FIGN: variants seen among roughly 807,000 people sequenced by gnomAD.
The protein encoded by FIGN is fidgetin.
A neutral mutation model predicts 51.3 loss-of-function variants in FIGN; 11 were observed. That is an observed-to-expected ratio of 0.21 (90% CI 0.13 to 0.35). The LOEUF (loss-of-function observed/expected upper bound fraction) is 0.35, where lower values mean the gene tolerates loss of function less well. FIGN is among the 10% of genes least tolerant of loss of function. The probability of loss-of-function intolerance (pLI) is 1.00; values close to 1 mark genes in which losing one functional copy is unlikely to be tolerated. For missense variants in FIGN, 857 were observed against 943.6 expected (o/e 0.91, Z 1.20); for synonymous variants, 407 against 363.2 (o/e 1.12, Z -1.37).
chr2:163,701,313 G>A (rs181026402), intron 2 of FIGN, among the ~76,000 whole-genome samples: 147 of 152,300 alleles, frequency 9.7e-4, no homozygotes, highest in Non-Finnish European at 1.7e-3. Context: ...TTCATAAATT[G>A]CAAGCAGCTA....
At chr2:163,720,975 T>G (rs1434245882) in intron 2 of FIGN, among the ~76,000 whole-genome samples, 1 of 151,714 alleles carries the variant, frequency 6.6e-6, no homozygotes. Context: ...AGGGTCAAAA[T>G]AAATAAATAA....
At chr2:163,672,853 C>G (rs1282539050) in intron 2 of FIGN, among the ~76,000 whole-genome samples, 1 of 152,166 alleles carries the variant, frequency 6.6e-6, no homozygotes, top group East Asian at 1.9e-4. Flanking sequence ...CTGACTTACT[C>G]TCTCTTATTT....
intron 2 of FIGN, among the ~76,000 whole-genome samples, chr2:163,733,693 A>G (rs1320186361): frequency 6.6e-6 from 1 of 152,172 alleles, no homozygotes; most frequent in East Asian, 1.9e-4. Context: ...AATCTTTCCT[A>G]TCGTGTAAGT....
At chr2:163,640,264 T>A (rs368497868) in intron 2 of FIGN, among the ~76,000 whole-genome samples, 40 of 152,304 alleles carry the variant, frequency 2.6e-4, no homozygotes, top group Non-Finnish European at 3.7e-4. Context: ...TTCATAACAT[T>A]AAACTTAAGA....
chr2:163,716,788 C>T (rs1684674495), intron 2 of FIGN, among the ~76,000 whole-genome samples: 1 of 152,096 alleles, frequency 6.6e-6, no homozygotes. Flanking sequence ...AAACTATAAT[C>T]TGTTTTCATT....
chr2:163,603,240 A>G lies in FIGN; in HGVS notation c.*6312T>C, dbSNP rs764203259. 1.4e-4 allele frequency: 22 copies of G among 152,102 alleles called. No individual in the cohort carries two copies. Among genetic ancestry groups the G allele is most frequent in the Non-Finnish European group, 2.4e-4 (16 of 68,008 alleles). 9.4% of individuals were successfully genotyped at this position (152,102 alleles called of 1,614,324 possible). A position where few individuals can be genotyped will look rare whatever the true frequency, so the allele number is the denominator to read the frequency against. On this transcript the variant is annotated 3_prime_UTR_variant, in exon 3 of 3. Transcript: ENST00000333129. ...AGATGTAAAATAATGCACACAAAAA[A>G]ATGATTTGAAATTTGCAGAACAAAT... is the stretch of plus-strand genomic sequence containing the variant.
chr2:163,641,309 A>G (rs1683302511), intron 2 of FIGN, among the ~76,000 whole-genome samples: 1 of 152,328 alleles, frequency 6.6e-6, no homozygotes, highest in Admixed American at 6.5e-5. Flanking sequence ...AATCATCATG[A>G]TTTTTGTATT....
intron 2 of FIGN, among the ~76,000 whole-genome samples, chr2:163,722,493 A>G (rs923853488): frequency 1.4e-4 from 22 of 152,320 alleles, no homozygotes; most frequent in Admixed American, 1.3e-3. Flanking sequence ...CTCAGAGTCT[A>G]ATATTTTATG....
intron 2 of FIGN, among the ~76,000 whole-genome samples, chr2:163,656,097 A>C (rs768288561): frequency 5.3e-5 from 8 of 152,200 alleles, no homozygotes; most frequent in Non-Finnish European, 5.9e-5. Context: ...GTTAACAACC[A>C]AATATAATAT....
intron 2 of FIGN, among the ~76,000 whole-genome samples, chr2:163,663,105 G>C (rs1372849723): frequency 2.6e-5 from 4 of 152,088 alleles, no homozygotes; most frequent in Non-Finnish European, 4.4e-5. Context: ...TTTTTTGGTA[G>C]AGATGGGGTT....
At position 163,643,549 on chromosome 2, in the gene FIGN, G is replaced by T. The variant is rs144765671; in HGVS notation, c.26-31743C>A. Among the ~76,000 whole-genome samples, 9 of 151,612 alleles carry T rather than the reference G, an allele frequency of 5.9e-5. No individual in the cohort carries two copies. In the East Asian group the frequency reaches 1.8e-3, roughly 30 times the overall value. On this transcript the variant is annotated intron_variant, in intron 2 of 2. Coordinates refer to ENST00000333129, the MANE Select transcript of FIGN (RefSeq NM_018086.4). ...ACTTGTAGTTCTAGCTACTCAGGAG[G>T]CTGAGACAAGAGAATCGCTTGAACC...
intron 2 of FIGN, among the ~76,000 whole-genome samples, chr2:163,670,566 T>G (rs1198850531): frequency 6.6e-6 from 1 of 152,214 alleles, no homozygotes; most frequent in Non-Finnish European, 1.5e-5. Context: ...AGCTTACTTA[T>G]AAAAGTCTGC....
chr2:163,718,035 G>A (rs1453968444), intron 2 of FIGN, among the ~76,000 whole-genome samples: 1 of 151,928 alleles, frequency 6.6e-6, no homozygotes, highest in African/African-American at 2.4e-5. Context: ...GCATCTGAAT[G>A]TTGATCATGT....
chr2:163,684,253 G>A (rs1684111182), intron 2 of FIGN, among the ~76,000 whole-genome samples: 1 of 152,024 alleles, frequency 6.6e-6, no homozygotes. Context: ...TCTCTATAAA[G>A]GTACTACAAA....
chr2:163,641,745 T>C (rs1424251859), intron 2 of FIGN, among the ~76,000 whole-genome samples: 2 of 152,114 alleles, frequency 1.3e-5, no homozygotes, highest in African/African-American at 2.4e-5. Flanking sequence ...TGGCAGCAAA[T>C]ACCATGGGCA....
chr2:163,644,277 A>G (rs894754669), intron 2 of FIGN, among the ~76,000 whole-genome samples: 2 of 152,200 alleles, frequency 1.3e-5, no homozygotes, highest in African/African-American at 4.8e-5. Context: ...CATTAATTTG[A>G]ATAGACATTT....
intron 2 of FIGN, among the ~76,000 whole-genome samples, chr2:163,727,837 A>T (rs1573976414): frequency 1.3e-5 from 2 of 152,308 alleles, no homozygotes; most frequent in Admixed American, 1.3e-4. Flanking sequence ...TGACTTCAAA[A>T]TTCAGTTTTA....
chr2:163,669,735 T>C (rs929228411), intron 2 of FIGN, among the ~76,000 whole-genome samples: 3 of 152,190 alleles, frequency 2.0e-5, no homozygotes, highest in African/African-American at 7.2e-5. Flanking sequence ...TCACAAGTCA[T>C]AATCTGCCAA....
rs1691035741 is a variant in FIGN at position 163,604,215 on chromosome 2, G to A, written c.*5337C>T. The A allele has an allele frequency of 6.6e-6, 1 of 152,044 alleles. No individual in the cohort carries two copies. Among genetic ancestry groups the A allele is most frequent in the African/African-American group, 2.4e-5 (1 of 41,428 alleles). 9.4% of individuals were successfully genotyped at this position (152,044 alleles called of 1,614,324 possible). On this transcript the variant is annotated 3_prime_UTR_variant, in exon 3 of 3. Coordinates refer to ENST00000333129, the MANE Select transcript of FIGN (RefSeq NM_018086.4). ...TCTCTTAAATTTAGGAGCTGAGGGT[G>A]TCAGTCAAAATATAAAAATGTTGTT...
Sources: allele counts gnomAD v4.1 joint callset (sites outside exome capture counted in the v4.1 genomes callset), GRCh38; gene constraint gnomAD v4.1.1; transcripts MANE v1.5; gene names NCBI Gene and HGNC (gene_info 2026-07-23, HGNC 2026-07-21).